Variants in KRT24 observed in about 807,000 individuals in gnomAD.
KRT24 encodes the protein keratin, type I cytoskeletal 24.
A neutral mutation model predicts 51.7 loss-of-function variants in KRT24; 44 were observed. The observed-to-expected ratio is 0.85, with a 90% CI of 0.67 to 1.09. The LOEUF (loss-of-function observed/expected upper bound fraction) is 1.09. KRT24 is among the 50% of genes least tolerant of loss of function. KRT24 has a pLI of 0.00. For synonymous variants in KRT24, 241 were observed against 249.5 expected (o/e 0.97, Z 0.32); for missense variants, 633 against 647.0 (o/e 0.98, Z 0.24).
chr17:40,700,144 G>T, intron 4 of KRT24, 21 bp from the exon 5 acceptor site: 1 of 1,614,094 alleles, frequency 6.2e-7, no homozygotes, highest in Non-Finnish European at 8.5e-7. Flanking sequence ...ACATAATGCA[G>T]CTGTTGTAGG....
intron 6 of KRT24, among the ~76,000 whole-genome samples, 188 bp from the exon 7 acceptor site, chr17:40,698,838 A>G (rs947008285): frequency 1.4e-5 from 2 of 147,728 alleles, no homozygotes; most frequent in African/African-American, 2.5e-5. Flanking sequence ...CCTCCCCAGT[A>G]TCTGGGATTA....
chr17:40,700,479 G>A (rs1458083894), intron 3 of KRT24, 96 bp from the exon 4 acceptor site: 39 of 832,838 alleles, frequency 4.7e-5, no homozygotes, highest in Admixed American at 1.2e-4. Flanking sequence ...GTAGGACACT[G>A]AAAGGAAAAA....
rs1169538106 is a variant in KRT24, at chr17:40,703,354, C to T, written c.340G>A (p.Gly114Ser). 3 of 1,614,084 alleles carry T rather than the reference C, an allele frequency of 1.9e-6. No individual in the cohort carries two copies. Among genetic ancestry groups the T allele is most frequent in the Non-Finnish European group, 1.7e-6 (2 of 1,179,972 alleles). ...TAGCTGTAGAAGCCTCCAGTAGCAC[C>T]ACTGCTGAATCTAGAACTCCCACAG... ...GFCGSSRFSS[G>S]ATGGFYSYGG... The change falls in exon 1 of 8, where the codon GGT (glycine) becomes AGT (serine). Residue 114 changes from glycine to serine, a missense_variant. Coordinates refer to ENST00000264651, the MANE Select transcript of KRT24 (RefSeq NM_019016.3).
rs1244363476 is a variant in KRT24 at position 40,698,027 on chromosome 17, CAATT to C, written c.*206_*209del. Reference sequence around the variant, plus strand: ...AAGTAAATTTATTGAAGCATAGAAACAATTAAAGCAAAGTTGTTAATTCAGCTAT... The same window carrying C: ...AAGTAAATTTATTGAAGCATAGAAACAAAGCAAAGTTGTTAATTCAGCTAT... On this transcript the variant is annotated 3_prime_UTR_variant, in exon 8 of 8. Coordinates refer to ENST00000264651, the MANE Select transcript of KRT24 (RefSeq NM_019016.3). The C allele has an allele frequency of 3.9e-6, 2 of 513,538 alleles. No homozygotes were observed. Among genetic ancestry groups the C allele is most frequent in the Admixed American group, 3.5e-5 (1 of 28,352 alleles). 31.8% of individuals were successfully genotyped at this position (513,538 alleles called of 1,614,324 possible).
Position 40,698,193 on chromosome 17 carries a change from A to ATT in KRT24, c.*42_*43dup. 8.3e-7 allele frequency: 1 copy of ATT among 1,209,928 alleles called. No homozygotes were observed. Among genetic ancestry groups the ATT allele is most frequent in the Non-Finnish European group, 1.2e-6 (1 of 818,696 alleles). 74.9% of individuals were successfully genotyped at this position (1,209,928 alleles called of 1,614,324 possible). On this transcript the variant is annotated 3_prime_UTR_variant, in exon 8 of 8. Transcript: ENST00000264651. ...CATTTCTTCGCTTGTGTCCTTCTTG[A>ATT]TTTTTTTTTCTTTGAAAGACACTTT...
rs1160054081 is a variant in KRT24, at chr17:40,703,647, C to G, written c.47G>C (p.Ser16Thr). Residue 16 changes from serine to threonine, a missense_variant, in exon 1 of 8, where the codon AGC becomes ACC. Physicochemically the swap from Ser to Thr is moderately conservative, Grantham distance 58 (BLOSUM62 1). Coordinates refer to ENST00000264651, the MANE Select transcript of KRT24 (RefSeq NM_019016.3). ...RASSSRAGGS[S>T]SARVSAGGSS... Reference sequence around the variant, plus strand: ...TCCACCAGCAGACACCCTGGCTGAGCTGCTGCCTCCAGCCCTGGAGGAGGA... The same window carrying G: ...TCCACCAGCAGACACCCTGGCTGAGGTGCTGCCTCCAGCCCTGGAGGAGGA... The G allele has an allele frequency of 1.9e-6, 3 of 1,601,840 alleles. No individual in the cohort carries two copies. Among genetic ancestry groups the G allele is most frequent in the Non-Finnish European group, 1.7e-6 (2 of 1,174,750 alleles).
chr17:40,701,245 G>T lies in KRT24; in HGVS notation c.750C>A (p.Gly250=). 1 of 1,613,970 alleles carries T rather than the reference G, an allele frequency of 6.2e-7. No individual in the cohort carries two copies. Among genetic ancestry groups the T allele is most frequent in the Non-Finnish European group, 8.5e-7 (1 of 1,179,966 alleles). ...LRQSVEADIN[G]LRKVLDDLTM... is the part of the protein sequence containing the mutation. ...TCAGGTCATCCAGGACTTTCCGCAG[G>T]CCATTGATGTCAGCCTCCACGCTCT... Residue 250 remains glycine, a synonymous_variant, in exon 3 of 8, where the codon GGC becomes GGA. Transcript: ENST00000264651.
chr17:40,700,458 AC>A, intron 3 of KRT24, 75 bp from the exon 4 acceptor site: 1 of 1,136,566 alleles, frequency 8.8e-7, no homozygotes. Flanking sequence ...CTAGACAACA[AC>A]AATTTGAAAG....
rs150606886 is a variant in KRT24, at chr17:40,701,862, G to A, written c.687C>T (p.Asp229=). Residue 229 remains aspartate, a synonymous_variant, in exon 2 of 8, where the codon GAC becomes GAT. Coordinates refer to ENST00000264651, the MANE Select transcript of KRT24 (RefSeq NM_019016.3). ...HIDNARLAAD[D]FRLKYENELC... Reference sequence around the variant, plus strand: ...TTTATGTTTCTTACTTCAGTCTGAAGTCATCAGCAGCCAATCTGGCATTGT... The same window carrying A: ...TTTATGTTTCTTACTTCAGTCTGAAATCATCAGCAGCCAATCTGGCATTGT... 1.4e-6 allele frequency: 2 copies of A among 1,464,722 alleles called. No homozygotes were observed. Among genetic ancestry groups the A allele is most frequent in the African/African-American group, 2.9e-5 (2 of 69,386 alleles). 90.7% of individuals were successfully genotyped at this position (1,464,722 alleles called of 1,614,324 possible).
Position 40,698,690 on chromosome 17 carries a change from A to G in KRT24, c.1362-40T>C. 2 of 1,065,414 alleles carry G rather than the reference A, an allele frequency of 1.9e-6. 1 individual carries two copies. The highest frequency in any genetic ancestry group is 2.6e-5 in the South Asian group (2 of 76,872). 66.0% of individuals were successfully genotyped at this position (1,065,414 alleles called of 1,614,324 possible). On this transcript the variant is annotated intron_variant, in intron 6 of 7. Coordinates refer to ENST00000264651, the MANE Select transcript of KRT24 (RefSeq NM_019016.3). Reference sequence around the variant, plus strand: ...AATTATGTTTTCCTTTGCAGTTTGCAAAGGCAGGAGAAAGCCTCCGCCCCG... The same window carrying G: ...AATTATGTTTTCCTTTGCAGTTTGCGAAGGCAGGAGAAAGCCTCCGCCCCG...
Position 40,701,945 on chromosome 17 carries a change from G to T in KRT24, c.616-12C>A. On this transcript the variant is annotated splice_polypyrimidine_tract_variant and intron_variant, in intron 1 of 7. Coordinates refer to ENST00000264651, the MANE Select transcript of KRT24 (RefSeq NM_019016.3). ...GTGGCAGCAATGATCTAAAAAAGAT[G>T]TTAATAGTGAGTGAATCACGAATGA... 1 of 1,449,410 alleles carries T rather than the reference G, an allele frequency of 6.9e-7. No homozygotes were observed. The allele number at this position is 1,449,410 out of a possible 1,614,324, so 89.8% of individuals were successfully genotyped here. A position where few individuals can be genotyped will look rare whatever the true frequency, so the allele number is the denominator to read the frequency against.
At position 40,703,131 on chromosome 17, in the gene KRT24, G is replaced by A. The variant is rs371262011; in HGVS notation, c.563C>T (p.Ser188Leu). 39 of 1,613,542 alleles carry A rather than the reference G, an allele frequency of 2.4e-5. No homozygotes were observed. Among genetic ancestry groups the A allele is most frequent in the African/African-American group, 2.7e-5 (2 of 74,832 alleles). The change falls in exon 1 of 8, where the codon TCG (serine) becomes TTG (leucine). Residue 188 changes from serine to leucine, a missense_variant. Physicochemically the swap from Ser to Leu is moderately radical, Grantham distance 145 (BLOSUM62 -2). Coordinates refer to ENST00000264651, the MANE Select transcript of KRT24 (RefSeq NM_019016.3). Reference protein sequence around the residue: ...KYGPGSGDGGSGRDYSKYYSI... With the variant: ...KYGPGSGDGGLGRDYSKYYSI... ...ATAGTATTTGCTATAATCTCTTCCC[G>A]ATCCACCGTCTCCAGACCCAGGCCC... is the stretch of plus-strand genomic sequence containing the variant.
intron 3 of KRT24, among the ~76,000 whole-genome samples, 158 bp from the exon 4 acceptor site, chr17:40,700,541 T>A (rs540775347): frequency 6.6e-6 from 1 of 152,282 alleles, no homozygotes; most frequent in South Asian, 2.1e-4. Context: ...TGTTTCCTGG[T>A]CATAGTATGT....
At chr17:40,699,026 G>A (rs375244297) in intron 6 of KRT24, among the ~76,000 whole-genome samples, 349 of 152,124 alleles carry the variant, frequency 2.3e-3, no homozygotes, top group South Asian at 0.011. Flanking sequence ...ACAGGTGTGT[G>A]CCACCACGCC....
Position 40,700,377 on chromosome 17 carries a change from T to C in KRT24, c.862A>G (p.Lys288Glu), listed in dbSNP as rs769664866. Reference protein sequence around the residue: ...YLRKNHEEEMKNMQGSSGGEV... With the variant: ...YLRKNHEEEMENMQGSSGGEV... ...CCTCCAGAGCTTCCTTGCATATTCTTCATTTCCTAGCATGAAGGAAAAAAG... is the reference window on the plus strand; with the variant it reads ...CCTCCAGAGCTTCCTTGCATATTCTCCATTTCCTAGCATGAAGGAAAAAAG... Residue 288 changes from lysine to glutamate, a missense_variant, in exon 4 of 8, where the codon AAG becomes GAG. Transcript: ENST00000264651. 2 of 1,609,902 alleles carry C rather than the reference T, an allele frequency of 1.2e-6. No homozygotes were observed. The highest frequency in any genetic ancestry group is 1.7e-6 in the Non-Finnish European group (2 of 1,177,454).
chr17:40,698,799 C>G (rs1223250747), intron 6 of KRT24, 149 bp from the exon 7 acceptor site: 8 of 624,790 alleles, frequency 1.3e-5, no homozygotes, highest in Non-Finnish European at 2.3e-5. Flanking sequence ...ACCTTGCACT[C>G]CTGGGCTCAA....
In KRT24 at chr17:40,700,394, G is replaced by A. The variant is rs925292664; in HGVS notation, c.856-11C>T. 3 of 1,595,842 alleles carry A rather than the reference G, an allele frequency of 1.9e-6. No homozygotes were observed. Among genetic ancestry groups the A allele is most frequent in the African/African-American group, 2.7e-5 (2 of 73,614 alleles). ...CATATTCTTCATTTCCTAGCATGAA[G>A]GAAAAAAGACTATCGTGATGCAAAC... On this transcript the variant is annotated splice_polypyrimidine_tract_variant and intron_variant, in intron 3 of 7. Coordinates refer to ENST00000264651, the MANE Select transcript of KRT24 (RefSeq NM_019016.3).
At chr17:40,699,900 C>T in intron 5 of KRT24, 98 bp downstream of exon 5, 2 of 1,465,760 alleles carry the variant, frequency 1.4e-6, no homozygotes, top group Non-Finnish European at 1.9e-6. Flanking sequence ...CTCCTTAACA[C>T]TGCCTTTTTT....
Position 40,698,606 on chromosome 17 carries a change from A to C in KRT24, c.1406T>G (p.Val469Gly). 1 of 1,612,566 alleles carries C rather than the reference A, an allele frequency of 6.2e-7. No individual in the cohort carries two copies. Among genetic ancestry groups the C allele is most frequent in the Non-Finnish European group, 8.5e-7 (1 of 1,178,598 alleles). The change falls in exon 7 of 8, where the codon GTA becomes GGA. Residue 469 changes from valine to glycine, a missense_variant. By Grantham distance (109) the Val-to-Gly change is moderately radical (BLOSUM62 -3). Transcript: ENST00000264651. ...AEFGGRNSGS[V>G]NMGSRDLVSG... is the part of the protein sequence containing the mutation. ...TACCAGATCCCTGGATCCCATGTTT[A>C]CAGATCCTGAGTTTCTACCACCAAA...
Sources: gnomAD v4.1 joint callset for allele counts (sites outside exome capture counted in the v4.1 genomes callset) on GRCh38, gnomAD v4.1.1 for gene constraint, MANE v1.5 for transcripts, NCBI Gene and HGNC (gene_info 2026-07-23, HGNC 2026-07-21) for gene names.